Variants in DLGAP1 observed in about 807,000 individuals in gnomAD.
The protein encoded by DLGAP1 is DLG associated protein 1.
DLGAP1 carries 11 observed loss-of-function variants against 90.8 expected under a neutral mutation model. The observed-to-expected ratio is 0.12, with a 90% CI of 0.08 to 0.20. The LOEUF (loss-of-function observed/expected upper bound fraction) is 0.20. DLGAP1 is among the 10% of genes least tolerant of loss of function. DLGAP1 has a pLI of 1.00. For synonymous variants in DLGAP1, 558 were observed against 540.7 expected, an observed-to-expected ratio of 1.03 and a Z score of -0.44; for missense variants, 1,050 against 1,333.8, an observed-to-expected ratio of 0.79 and a Z score of 3.31.
chr18:3,499,299 C>G lies in DLGAP1; in HGVS notation c.2820G>C (p.Glu940Asp). The change falls in exon 13 of 13, where the codon GAG (glutamate) becomes GAC (aspartate). Residue 940 changes from glutamate to aspartate, a missense_variant. Glu to Asp is a conservative substitution (Grantham distance 45). Around this residue, in one of 2 missense-constraint regions of DLGAP1, gnomAD observed 565 missense variants for 879.7 expected, o/e 0.64. Coordinates refer to ENST00000315677, the MANE Select transcript of DLGAP1 (RefSeq NM_004746.4). This position sits in a 1 kb window ranked among gnomAD's most constrained non-coding sequence, Gnocchi z 6.4. ...ERSLESSQRQ[E>D]ARKRLMAAKR... ...TGGCGGCCATCAGGCGCTTGCGGGC[C>G]TCCTGGCGCTGCGAGCTCTCCAGCG... 1.9e-6 allele frequency: 3 copies of G among 1,584,802 alleles called. No individual in the cohort carries two copies. Among genetic ancestry groups the G allele is most frequent in the Non-Finnish European group, 2.6e-6 (3 of 1,166,644 alleles).
At chr18:3,686,361 G>A (rs1352388365) in intron 7 of DLGAP1, among the ~76,000 whole-genome samples, 1 of 152,074 alleles carries the variant, frequency 6.6e-6, no homozygotes, top group Non-Finnish European at 1.5e-5. Context: ...GGGGAAGGTT[G>A]TTTAGACAGC....
intron 7 of DLGAP1, among the ~76,000 whole-genome samples, chr18:3,644,113 T>G (rs1446482684): frequency 6.6e-6 from 1 of 152,142 alleles, no homozygotes; most frequent in Non-Finnish European, 1.5e-5. Context: ...GTCTCTCCCC[T>G]GCGGCAATGA....
At chr18:3,872,158 T>G (rs1029536314) in intron 4 of DLGAP1, among the ~76,000 whole-genome samples, 1 of 150,404 alleles carries the variant, frequency 6.6e-6, no homozygotes, top group Non-Finnish European at 1.5e-5. Context: ...GTCCTAAATA[T>G]TCCTACATTT....
At chr18:3,882,580 C>G (rs1259736529) in intron 3 of DLGAP1, among the ~76,000 whole-genome samples, 1 of 152,020 alleles carries the variant, frequency 6.6e-6, no homozygotes, top group Non-Finnish European at 1.5e-5. Context: ...AAGGATGGCC[C>G]TTGAAAAGTT....
chr18:4,387,867 G>A (rs2082262547), intron 1 of DLGAP1, among the ~76,000 whole-genome samples: 1 of 151,544 alleles, frequency 6.6e-6, no homozygotes, highest in African/African-American at 2.4e-5. Context: ...GGAGGTGGAT[G>A]CTGCAGTGAG....
At chr18:3,549,367 C>G (rs1304277371) in intron 9 of DLGAP1, among the ~76,000 whole-genome samples, 6 of 147,440 alleles carry the variant, frequency 4.1e-5, no homozygotes, top group Admixed American at 3.4e-4. Flanking sequence ...GAGTCTCACT[C>G]TGTTGCCCAG....
chr18:3,968,753 T>C (rs2148999607), intron 3 of DLGAP1, among the ~76,000 whole-genome samples: 1 of 152,292 alleles, frequency 6.6e-6, no homozygotes, highest in South Asian at 2.1e-4. Context: ...CTGTGAATCA[T>C]CATACCCAAT....
At chr18:3,968,267 T>C (rs1193765233) in intron 3 of DLGAP1, among the ~76,000 whole-genome samples, 1 of 152,208 alleles carries the variant, frequency 6.6e-6, no homozygotes, top group South Asian at 2.1e-4. Flanking sequence ...TAAGATACTC[T>C]TTCATCTTAA....
intron 3 of DLGAP1, among the ~76,000 whole-genome samples, chr18:3,932,654 T>G (rs1488303333): frequency 2.0e-5 from 3 of 152,186 alleles, no homozygotes; most frequent in Non-Finnish European, 4.4e-5. Flanking sequence ...TCTCTGTCAA[T>G]CTATCTCATA....
At chr18:4,439,753 T>A (rs1291952642) in intron 1 of DLGAP1, among the ~76,000 whole-genome samples, 1 of 151,606 alleles carries the variant, frequency 6.6e-6, no homozygotes, top group African/African-American at 2.4e-5. Flanking sequence ...AAGGTTATGG[T>A]AAGCCATGAT....
intron 4 of DLGAP1, among the ~76,000 whole-genome samples, chr18:3,876,717 T>G (rs925272414): frequency 6.6e-6 from 1 of 152,036 alleles, no homozygotes; most frequent in East Asian, 1.9e-4. Flanking sequence ...GGGTGTTTTA[T>G]TTTTTTTCTT....
chr18:3,646,077 A>G (rs920364590), intron 7 of DLGAP1, among the ~76,000 whole-genome samples: 11 of 152,162 alleles, frequency 7.2e-5, no homozygotes, highest in South Asian at 2.1e-4. Context: ...TATTCACTCA[A>G]CTAATGCTAC....
At chr18:3,867,630 C>T (rs2070481656) in intron 4 of DLGAP1, among the ~76,000 whole-genome samples, 1 of 151,990 alleles carries the variant, frequency 6.6e-6, no homozygotes, top group Admixed American at 6.6e-5. Flanking sequence ...GTGATGTGGA[C>T]CATGGGTGGG....
intron 1 of DLGAP1, among the ~76,000 whole-genome samples, chr18:4,390,772 G>A (rs2082325073): frequency 6.6e-6 from 1 of 152,150 alleles, no homozygotes; most frequent in Non-Finnish European, 1.5e-5. Flanking sequence ...TTGCCTCCCA[G>A]TTTTTGGCAG....
intron 7 of DLGAP1, among the ~76,000 whole-genome samples, chr18:3,596,224 A>C (rs2056567855): frequency 6.6e-6 from 1 of 151,536 alleles, no homozygotes; most frequent in Non-Finnish European, 1.5e-5. Context: ...CAGTGGTGCG[A>C]TCTCGGCTCA....
rs562416918 is a variant in DLGAP1, at chr18:4,363,950, T to C, written c.-267+91056A>G. On this transcript the variant is annotated intron_variant, in intron 1 of 12. Coordinates refer to ENST00000315677, the MANE Select transcript of DLGAP1 (RefSeq NM_004746.4). The stretch of plus-strand genomic sequence containing the variant: ...TAAATCATGCTGCTATAAAGACATA[T>C]GCACACGTATGTTTATTGCGGCACT... Among the ~76,000 whole-genome samples the C allele has an allele frequency of 2.0e-5, 3 of 152,112 alleles. No individual in the cohort carries two copies. The East Asian group carries it at 5.8e-4, about 30-fold the overall frequency.
At chr18:4,403,177 A>T (rs1043655829) in intron 1 of DLGAP1, among the ~76,000 whole-genome samples, 1 of 152,192 alleles carries the variant, frequency 6.6e-6, no homozygotes, top group African/African-American at 2.4e-5. Flanking sequence ...GCTGTTTAAA[A>T]GTGTCCATTG....
chr18:3,611,736 A>G (rs2057641963), intron 7 of DLGAP1, among the ~76,000 whole-genome samples: 1 of 152,202 alleles, frequency 6.6e-6, no homozygotes, highest in Non-Finnish European at 1.5e-5. Context: ...CCTCCAGTTC[A>G]GAAAAGACAA....
intron 1 of DLGAP1, among the ~76,000 whole-genome samples, chr18:4,450,148 G>C (rs772030159): frequency 2.0e-5 from 3 of 152,170 alleles, no homozygotes; most frequent in Non-Finnish European, 4.4e-5. Context: ...TGCAAAGTCT[G>C]AGACAAGATC....
Sources: gnomAD v4.1 joint callset for allele counts (sites outside exome capture counted in the v4.1 genomes callset) on GRCh38, gnomAD v4.1.1 for gene constraint, gnomAD v4.1.1 regional missense constraint, Gnocchi (gnomAD v3.1) non-coding constraint, MANE v1.5 for transcripts, NCBI Gene and HGNC (gene_info 2026-07-23, HGNC 2026-07-21) for gene names.